Variants in KRT8 observed in about 807,000 individuals in gnomAD.
KRT8 encodes keratin, type II cytoskeletal 8.
In KRT8, 24 loss-of-function variants were observed where a neutral mutation model predicts 43.0. That is an observed-to-expected ratio of 0.56 (90% CI 0.40 to 0.78). KRT8 has a LOEUF of 0.78. KRT8 is among the 30% of genes least tolerant of loss of function. KRT8 has a pLI of 0.00. For synonymous variants in KRT8, 214 were observed against 261.2 expected (o/e 0.82, Z 1.74); for missense variants, 492 against 638.4 (o/e 0.77, Z 2.47).
chr12:52,943,299 T>C (rs1942295329), intron 2 of KRT8, among the ~76,000 whole-genome samples: 1 of 152,168 alleles, frequency 6.6e-6, no homozygotes, highest in Non-Finnish European at 1.5e-5. Flanking sequence ...CCAGGCTCCA[T>C]CGCTCTACTG....
chr12:52,918,026 A>ATAG (rs1555188259), intron 2 of KRT8, among the ~76,000 whole-genome samples: 1 of 45,400 alleles, frequency 2.2e-5, no homozygotes. Flanking sequence ...GAGAAGAAGA[A>ATAG]GAGGAGGAGG....
intron 5 of KRT8, among the ~76,000 whole-genome samples, chr12:52,899,188 G>A (rs10735846): frequency 0.45 from 69,082 of 151,996 alleles, 16,220 homozygotes; most frequent in South Asian, 0.69. Context: ...GGTGGCGGGC[G>A]CCTGTAGTCC....
intron 2 of KRT8, among the ~76,000 whole-genome samples, chr12:52,943,316 C>T (rs1942295642): frequency 6.6e-6 from 1 of 152,194 alleles, no homozygotes; most frequent in Admixed American, 6.5e-5. Flanking sequence ...ACTGAAAGTG[C>T]TCTTTTTGTC....
At chr12:52,928,218 G>GA (rs1942026337) in intron 2 of KRT8, among the ~76,000 whole-genome samples, 1 of 152,182 alleles carries the variant, frequency 6.6e-6, no homozygotes, top group South Asian at 2.1e-4. Flanking sequence ...AGACAGCAAA[G>GA]GCTTCAGAGC....
intron 5 of KRT8, 129 bp downstream of exon 5, chr12:52,899,646 G>C: frequency 1.3e-6 from 1 of 762,946 alleles, no homozygotes; most frequent in Non-Finnish European, 2.2e-6. Context: ...AACTGTGGCT[G>C]CCCCTCCAAC....
intron 4 of KRT8, 81 bp from the exon 5 acceptor site, chr12:52,900,146 T>C: frequency 1.4e-6 from 2 of 1,433,812 alleles, no homozygotes; most frequent in Admixed American, 1.9e-5. Flanking sequence ...TTTCTTAGGG[T>C]ATAAGACAGG....
chr12:52,926,941 T>C (rs1264517388), intron 2 of KRT8, among the ~76,000 whole-genome samples: 1 of 58,140 alleles, frequency 1.7e-5, no homozygotes, highest in Non-Finnish European at 4.5e-5. Flanking sequence ...ATTCACTGAA[T>C]GAATGAATGA....
upstream of KRT8, chr12:52,906,393 T>G (rs987802998): frequency 1.5e-5 from 4 of 267,400 alleles, no homozygotes; most frequent in Admixed American, 9.4e-5. Context: ...GTGGCACTCG[T>G]GGTGCTACCT....
intron 2 of KRT8, among the ~76,000 whole-genome samples, chr12:52,933,996 G>A (rs748399141): frequency 4.6e-5 from 7 of 151,642 alleles, no homozygotes; most frequent in Non-Finnish European, 8.8e-5. Flanking sequence ...TTGGGAGGCC[G>A]AGGCGGGTGG....
intron 2 of KRT8, chr12:52,946,609 G>A (rs2638526): frequency 0.53 from 81,130 of 151,982 alleles, 22,388 homozygotes; most frequent in African/African-American, 0.65. Context: ...AAGGCAGTAC[G>A]TAGCTTGTTG....
chr12:52,926,332 G>GCCCACCC, intron 2 of KRT8: 2 of 600,270 alleles, frequency 3.3e-6, no homozygotes, highest in Non-Finnish European at 6.1e-6. Flanking sequence ...GGCACTAGCT[G>GCCCACCC]CCCTCCCCAC....
exon 1 of KRT8, chr12:52,904,825 C>T (rs531316453): frequency 6.8e-6 from 11 of 1,612,290 alleles, no homozygotes; most frequent in Non-Finnish European, 9.3e-6. Flanking sequence ...CCACCATAGC[C>T]GCCGCCCAGG....
At chr12:52,929,045 C>G (rs1274905980) in intron 2 of KRT8, among the ~76,000 whole-genome samples, 3 of 152,150 alleles carry the variant, frequency 2.0e-5, no homozygotes, top group African/African-American at 7.2e-5. Context: ...TCCTACATCC[C>G]CAACCCTAGC....
intron 2 of KRT8, among the ~76,000 whole-genome samples, chr12:52,942,782 G>A (rs1942287586): frequency 6.6e-6 from 1 of 152,054 alleles, no homozygotes; most frequent in Non-Finnish European, 1.5e-5. Context: ...AAGCCATGTT[G>A]TGTAACTGCT....
At chr12:52,914,935 G>A (rs1374662646) in intron 2 of KRT8, among the ~76,000 whole-genome samples, 1 of 152,130 alleles carries the variant, frequency 6.6e-6, no homozygotes, top group East Asian at 1.9e-4. Flanking sequence ...ACTCTCCAAG[G>A]CTGATATAGG....
At chr12:52,907,407 C>G (rs778661340), upstream of KRT8, among the ~76,000 whole-genome samples, 10 of 152,256 alleles carry the variant, frequency 6.6e-5, no homozygotes, top group Middle Eastern at 6.8e-3. Context: ...TCCCTATCTT[C>G]CCTCCCCCAC....
At chr12:52,924,730 A>G (rs1035362830) in intron 2 of KRT8, among the ~76,000 whole-genome samples, 3 of 152,354 alleles carry the variant, frequency 2.0e-5, no homozygotes, top group Middle Eastern at 6.8e-3. Context: ...TGATGGGAAA[A>G]GACCATGCAC....
exon 8 of KRT8, chr12:52,897,486 T>A (rs1339926929): frequency 6.3e-7 from 1 of 1,599,304 alleles, no homozygotes; most frequent in Non-Finnish European, 8.5e-7. Context: ...TGTCTCGATC[T>A]TCTTCACAAC....
chr12:52,934,001 G>A (rs1257538905), intron 2 of KRT8, among the ~76,000 whole-genome samples: 5 of 151,642 alleles, frequency 3.3e-5, no homozygotes, highest in East Asian at 4.0e-4. Flanking sequence ...AGGCCGAGGC[G>A]GGTGGATCAC....
Sources: gnomAD v4.1 joint callset for allele counts (sites outside exome capture counted in the v4.1 genomes callset) on GRCh38, gnomAD v4.1.1 for gene constraint, MANE v1.5 for transcripts, NCBI Gene and HGNC (gene_info 2026-07-23, HGNC 2026-07-21) for gene names.